GRID2: variants seen among roughly 807,000 people sequenced by gnomAD.
GRID2 encodes glutamate ionotropic receptor delta type subunit 2.
In GRID2, 33 loss-of-function variants were observed where a neutral mutation model predicts 114.8. That is an observed-to-expected ratio of 0.29 (90% CI 0.22 to 0.38). The LOEUF is 0.38. Among genes scored for constraint, GRID2 ranks in the 10% least tolerant of loss-of-function variants. The pLI is 1.00. For synonymous variants in GRID2, 505 were observed against 449.9 expected, an observed-to-expected ratio of 1.12 and a Z score of -1.55; for missense variants, 1,184 against 1,257.7, an observed-to-expected ratio of 0.94 and a Z score of 0.89.
At chr4:92,442,121 A>G (rs867104529) in intron 1 of GRID2, among the ~76,000 whole-genome samples, 220 of 148,048 alleles carry the variant, frequency 1.5e-3, no homozygotes, top group African/African-American at 5.1e-3. Flanking sequence ...GGGTGCCTCC[A>G]TATTGATTAA....
chr4:92,583,224 T>C (rs1376292139), intron 1 of GRID2, among the ~76,000 whole-genome samples: 2 of 152,096 alleles, frequency 1.3e-5, no homozygotes, highest in Non-Finnish European at 2.9e-5. Flanking sequence ...ATAATGTCTA[T>C]GAGCCACTTA....
At chr4:93,448,833 T>G (rs1456856825) in intron 10 of GRID2, among the ~76,000 whole-genome samples, 1 of 10,478 alleles carries the variant, frequency 9.5e-5, no homozygotes, top group African/African-American at 4.5e-4. Context: ...TCCCTTCCCT[T>G]CCCTTCCCTT....
At chr4:93,366,160 T>C (rs1762313526) in intron 8 of GRID2, among the ~76,000 whole-genome samples, 1 of 152,130 alleles carries the variant, frequency 6.6e-6, no homozygotes, top group African/African-American at 2.4e-5. Context: ...GTTCAGGGAA[T>C]AAGAGAGATA....
chr4:93,201,082 A>C (rs1742058215), intron 4 of GRID2, among the ~76,000 whole-genome samples: 1 of 152,234 alleles, frequency 6.6e-6, no homozygotes, highest in African/African-American at 2.4e-5. Flanking sequence ...AAATAAAGGT[A>C]CTAAATCTGA....
rs115449732 is a variant in GRID2, at chr4:92,859,337, A to G, written c.245-225658A>G. Among the ~76,000 whole-genome samples the G allele has an allele frequency of 5.9e-3, 903 of 152,308 alleles. 16 individuals carry two copies. Among genetic ancestry groups the G allele is most frequent in the African/African-American group, 0.021 (857 of 41,560 alleles). On this transcript the variant is annotated intron_variant, in intron 2 of 15. Transcript: ENST00000282020. Reference sequence around the variant, plus strand: ...TAGACATAATGCTATTGTTGATTTGATAGACTATAGTATAGTATAAACACA... The same window carrying G: ...TAGACATAATGCTATTGTTGATTTGGTAGACTATAGTATAGTATAAACACA...
chr4:92,850,828 A>T lies in GRID2; in HGVS notation c.245-234167A>T, dbSNP rs1366284266. ...CTTCAGATGATTGGGATGTGTTCAA[A>T]AATACCATTTGAGCAATAAATTTCT... On this transcript the variant is annotated intron_variant, in intron 2 of 15. Transcript: ENST00000282020. Among the ~76,000 whole-genome samples, 5 of 151,968 alleles carry T rather than the reference A, an allele frequency of 3.3e-5. No individual in the cohort carries two copies. In the East Asian group the frequency reaches 9.6e-4, roughly 29 times the overall value.
chr4:93,020,280 G>A (rs892871418), intron 2 of GRID2, among the ~76,000 whole-genome samples: 2 of 152,138 alleles, frequency 1.3e-5, no homozygotes, highest in Non-Finnish European at 2.9e-5. Context: ...TGGCTGGTCT[G>A]TTCCGACATC....
intron 1 of GRID2, among the ~76,000 whole-genome samples, chr4:92,480,729 T>C (rs560618775): frequency 6.6e-6 from 1 of 152,276 alleles, no homozygotes; most frequent in Non-Finnish European, 1.5e-5. Flanking sequence ...AAGTACTCTT[T>C]TTCTAAGTAA....
chr4:92,955,924 T>G (rs1372160134), intron 2 of GRID2, among the ~76,000 whole-genome samples: 1 of 152,204 alleles, frequency 6.6e-6, no homozygotes, highest in Non-Finnish European at 1.5e-5. Flanking sequence ...TTTCACCGTG[T>G]TAGCCAGGAT....
intron 2 of GRID2, among the ~76,000 whole-genome samples, chr4:92,786,540 G>T (rs1218015142): frequency 2.0e-5 from 3 of 151,808 alleles, no homozygotes; most frequent in Non-Finnish European, 4.4e-5. Flanking sequence ...AAGAAAGAAA[G>T]AATATTCAAT....
rs1215545620 is a variant in GRID2, at chr4:93,677,935, G to C, written c.2360+51500G>C. On this transcript the variant is annotated intron_variant, in intron 14 of 15. Coordinates refer to ENST00000282020, the MANE Select transcript of GRID2 (RefSeq NM_001510.4). The stretch of plus-strand genomic sequence containing the variant: ...AACGGAACAAAGCTGGATGGAGAAT[G>C]ACTTTGACGAGTTGAGAGAAGGCTT... Among the ~76,000 whole-genome samples, 12 of 123,402 alleles carry C rather than the reference G, an allele frequency of 9.7e-5. No homozygotes were observed. The South Asian group carries it at 3.1e-3, about 32-fold the overall frequency. The allele number at this position is 123,402 out of a possible 152,430, so 81.0% of individuals were successfully genotyped here. A position where few individuals can be genotyped will look rare whatever the true frequency, so the allele number is the denominator to read the frequency against.
At chr4:92,358,734 G>A (rs942920194) in intron 1 of GRID2, among the ~76,000 whole-genome samples, 1 of 151,694 alleles carries the variant, frequency 6.6e-6, no homozygotes, top group Admixed American at 6.6e-5. Flanking sequence ...ACAGAAATGT[G>A]GTAAATGTAA....
intron 4 of GRID2, among the ~76,000 whole-genome samples, chr4:93,174,566 G>A (rs1204435921): frequency 1.3e-5 from 2 of 152,110 alleles, no homozygotes; most frequent in Non-Finnish European, 2.9e-5. Context: ...GGGTCTTTCG[G>A]GTTAAAGGAG....
chr4:93,277,887 A>G (rs1042577256), intron 8 of GRID2, among the ~76,000 whole-genome samples: 2 of 151,988 alleles, frequency 1.3e-5, no homozygotes, highest in Non-Finnish European at 2.9e-5. Context: ...TTGAATTTTC[A>G]AGGAAGTATA....
chr4:92,570,771 A>G (rs1033075613), intron 1 of GRID2, among the ~76,000 whole-genome samples: 6 of 152,066 alleles, frequency 3.9e-5, no homozygotes, highest in African/African-American at 1.4e-4. Flanking sequence ...GGCATATAGG[A>G]ATGCTACTGG....
At chr4:93,650,799 A>G (rs549700757) in intron 14 of GRID2, among the ~76,000 whole-genome samples, 1 of 152,130 alleles carries the variant, frequency 6.6e-6, no homozygotes, top group South Asian at 2.1e-4. Context: ...AAGCTTTAAA[A>G]AAATTCTTCA....
At chr4:92,368,423 CTG>C (rs1269388038) in intron 1 of GRID2, among the ~76,000 whole-genome samples, 5 of 152,078 alleles carry the variant, frequency 3.3e-5, no homozygotes, top group Non-Finnish European at 5.9e-5. Flanking sequence ...ACTCCTTGCG[CTG>C]TCTCATGCTG....
At chr4:93,079,736 G>A (rs1729682090) in intron 2 of GRID2, among the ~76,000 whole-genome samples, 1 of 151,926 alleles carries the variant, frequency 6.6e-6, no homozygotes, top group Admixed American at 6.6e-5. Flanking sequence ...ATATGTGCCA[G>A]GTTAAATGTT....
chr4:93,020,548 AAT>A (rs1466709187), intron 2 of GRID2, among the ~76,000 whole-genome samples: 1 of 152,188 alleles, frequency 6.6e-6, no homozygotes, highest in Non-Finnish European at 1.5e-5. Context: ...GCTGATCATG[AAT>A]AGTCAAAGAC....
Sources: allele counts gnomAD v4.1 joint callset (sites outside exome capture counted in the v4.1 genomes callset), GRCh38; gene constraint gnomAD v4.1.1; transcripts MANE v1.5; gene names NCBI Gene and HGNC (gene_info 2026-07-23, HGNC 2026-07-21).